PDE4B: variants seen among roughly 807,000 people sequenced by gnomAD.
PDE4B encodes phosphodiesterase 4B.
In PDE4B, 20 loss-of-function variants were observed where a neutral mutation model predicts 82.2. The observed-to-expected ratio is 0.24, with a 90% CI of 0.17 to 0.35. The LOEUF (loss-of-function observed/expected upper bound fraction) is 0.35. PDE4B is among the 10% of genes least tolerant of loss of function. The pLI is 1.00. For missense variants in PDE4B, 655 were observed against 907.2 expected, an observed-to-expected ratio of 0.72 and a Z score of 3.57; for synonymous variants, 320 against 318.9, an observed-to-expected ratio of 1.00 and a Z score of -0.04.
intron 3 of PDE4B, among the ~76,000 whole-genome samples, chr1:66,234,954 T>C (rs1364141392): frequency 1.3e-5 from 2 of 152,236 alleles, no homozygotes; most frequent in Non-Finnish European, 2.9e-5. Context: ...TTTTAACATA[T>C]AATGTTTTCG....
intron 9 of PDE4B, among the ~76,000 whole-genome samples, chr1:66,358,587 T>C (rs536126353): frequency 6.7e-6 from 1 of 148,156 alleles, no homozygotes; most frequent in African/African-American, 2.5e-5. Flanking sequence ...GGCAGGAGAA[T>C]CACTTGAATC....
intron 3 of PDE4B, among the ~76,000 whole-genome samples, chr1:66,117,113 G>C (rs776467949): frequency 1.6e-4 from 25 of 152,034 alleles, no homozygotes; most frequent in Non-Finnish European, 2.8e-4. Context: ...ATTACCTGTG[G>C]ATAAAAGAAA....
At chr1:66,329,791 T>G (rs1216700901) in intron 7 of PDE4B, among the ~76,000 whole-genome samples, 1 of 152,240 alleles carries the variant, frequency 6.6e-6, no homozygotes, top group Non-Finnish European at 1.5e-5. Flanking sequence ...ACACAGTAAG[T>G]GGTAGAAGAG....
intron 8 of PDE4B, among the ~76,000 whole-genome samples, chr1:66,342,187 G>GGAT (rs1284588853): frequency 6.6e-6 from 1 of 152,022 alleles, no homozygotes; most frequent in Admixed American, 6.5e-5. Flanking sequence ...GAGCATCTTG[G>GGAT]GATAATATTT....
At chr1:65,892,679 T>A (rs1646865487) in intron 1 of PDE4B, among the ~76,000 whole-genome samples, 1 of 152,036 alleles carries the variant, frequency 6.6e-6, no homozygotes, top group Non-Finnish European at 1.5e-5. Flanking sequence ...GTTATCCTTT[T>A]ACCATCAACC....
intron 3 of PDE4B, among the ~76,000 whole-genome samples, chr1:66,240,976 C>A (rs182185067): frequency 6.6e-6 from 1 of 152,328 alleles, no homozygotes; most frequent in East Asian, 1.9e-4. Context: ...AGCTCTTCAG[C>A]ATTCCTGTGC....
At chr1:66,354,722 T>C in intron 8 of PDE4B, 6 of 1,443,750 alleles carry the variant, frequency 4.2e-6, no homozygotes, top group Non-Finnish European at 5.4e-6. Flanking sequence ...TTTTTGTCTT[T>C]TCTAAGTTTT....
At chr1:66,162,730 G>T (rs1433071454) in intron 3 of PDE4B, among the ~76,000 whole-genome samples, 1 of 152,138 alleles carries the variant, frequency 6.6e-6, no homozygotes, top group African/African-American at 2.4e-5. Context: ...AAATGTTTCA[G>T]ATTTTGGAGC....
chr1:66,060,948 T>C (rs1655554360), intron 3 of PDE4B, among the ~76,000 whole-genome samples: 1 of 151,748 alleles, frequency 6.6e-6, no homozygotes, highest in African/African-American at 2.4e-5. Flanking sequence ...GTAATACATA[T>C]AAGAAAATGA....
chr1:65,850,108 C>A lies in PDE4B; in HGVS notation c.-71+56860C>A, dbSNP rs559195636. 2.3e-5 allele frequency among the ~76,000 whole-genome samples: 3 copies of A among 128,946 alleles called. No homozygotes were observed. In the South Asian group the frequency reaches 7.6e-4, roughly 33 times the overall value. The allele number at this position is 128,946 out of a possible 152,430, so 84.6% of individuals were successfully genotyped here. On this transcript the variant is annotated intron_variant, in intron 1 of 16. Transcript: ENST00000341517. Reference sequence around the variant, plus strand: ...ACCAACGCTTAGTAGTATTGCCCTGCACTTTTTTTTTTTTTTTTTTTTTTG... The same window carrying A: ...ACCAACGCTTAGTAGTATTGCCCTGAACTTTTTTTTTTTTTTTTTTTTTTG...
At chr1:66,174,930 G>A (rs935958962) in intron 3 of PDE4B, among the ~76,000 whole-genome samples, 6 of 152,104 alleles carry the variant, frequency 3.9e-5, no homozygotes, top group Admixed American at 6.6e-5. Context: ...AGCAAGGCGC[G>A]TCTTACATGA....
At chr1:66,153,672 A>G (rs1274046551) in intron 3 of PDE4B, among the ~76,000 whole-genome samples, 3 of 152,236 alleles carry the variant, frequency 2.0e-5, no homozygotes, top group South Asian at 2.1e-4. Context: ...CGGAAGGCAG[A>G]TAAGTCAACC....
At chr1:65,932,757 A>C (rs1284458607) in intron 3 of PDE4B, among the ~76,000 whole-genome samples, 1 of 152,158 alleles carries the variant, frequency 6.6e-6, no homozygotes, top group Non-Finnish European at 1.5e-5. Flanking sequence ...TATAAAAAGT[A>C]CCAAAAAGAA....
In PDE4B at chr1:66,374,260, T is replaced by C. The variant is rs1360865620; in HGVS notation, c.*1582T>C. 1.3e-5 allele frequency: 2 copies of C among 152,668 alleles called. No homozygotes were observed. The highest frequency in any genetic ancestry group is 3.8e-4 in the East Asian group (2 of 5,206). The allele number at this position is 152,668 out of a possible 1,614,324, so 9.5% of individuals were successfully genotyped here. On this transcript the variant is annotated 3_prime_UTR_variant, in exon 17 of 17. Coordinates refer to ENST00000341517, the MANE Select transcript of PDE4B (RefSeq NM_002600.4). ...AACAATGTGAATTTTTATAATAAAA[T>C]GTGAACTGATGTAGCAAATTACGCA...
At chr1:66,080,053 A>C (rs1048867112) in intron 3 of PDE4B, among the ~76,000 whole-genome samples, 1 of 152,124 alleles carries the variant, frequency 6.6e-6, no homozygotes, top group African/African-American at 2.4e-5. Context: ...TATCCTGAAA[A>C]ACCCTAGGTC....
intron 3 of PDE4B, among the ~76,000 whole-genome samples, chr1:66,178,429 A>G (rs1646980730): frequency 6.6e-6 from 1 of 152,164 alleles, no homozygotes; most frequent in African/African-American, 2.4e-5. Context: ...TTTCTACCAT[A>G]TGATAAATAA....
intron 3 of PDE4B, among the ~76,000 whole-genome samples, chr1:66,080,569 C>G (rs1437647931): frequency 6.6e-6 from 1 of 152,016 alleles, no homozygotes; most frequent in African/African-American, 2.4e-5. Flanking sequence ...GATAGGAAGT[C>G]TATAGAAAAC....
At chr1:66,279,882 C>T (rs1283299334) in intron 7 of PDE4B, among the ~76,000 whole-genome samples, 1 of 152,144 alleles carries the variant, frequency 6.6e-6, no homozygotes, top group Non-Finnish European at 1.5e-5. Context: ...GGGGTAATCT[C>T]CTTTACTTTA....
intron 8 of PDE4B, chr1:66,354,829 C>G: frequency 6.5e-7 from 1 of 1,535,472 alleles, no homozygotes; most frequent in South Asian, 1.2e-5. Flanking sequence ...TGGATTGTGG[C>G]AAGGAGAGCA....
Sources: allele counts gnomAD v4.1 joint callset (sites outside exome capture counted in the v4.1 genomes callset), GRCh38; gene constraint gnomAD v4.1.1; transcripts MANE v1.5; gene names NCBI Gene and HGNC (gene_info 2026-07-23, HGNC 2026-07-21).